Variants in RBM20 observed in about 807,000 individuals in gnomAD.
The protein encoded by RBM20 is RNA-binding protein 20.
Under a neutral mutation model 110.1 loss-of-function variants are expected in RBM20, and 51 were observed. The ratio of observed to expected loss-of-function variants is 0.46; its 90% CI spans 0.37 to 0.59. RBM20 has a LOEUF of 0.59. Ranked by LOEUF, RBM20 falls within the 20% of genes least tolerant of loss-of-function variation. The pLI, the probability that RBM20 is intolerant of heterozygous loss-of-function variation, is 0.00. For synonymous variants in RBM20, 589 were observed against 618.2 expected, an observed-to-expected ratio of 0.95 and a Z score of 0.70; for missense variants, 1,512 against 1,574.9, an observed-to-expected ratio of 0.96 and a Z score of 0.68.
At chr10:110,775,181 A>C (rs1844245135) in intron 1 of RBM20, among the ~76,000 whole-genome samples, 1 of 152,194 alleles carries the variant, frequency 6.6e-6, no homozygotes, top group African/African-American at 2.4e-5. Flanking sequence ...ACACCTTTAT[A>C]GTGTGGTCAT....
intron 1 of RBM20, among the ~76,000 whole-genome samples, chr10:110,736,728 TC>T (rs1353373582): frequency 6.6e-6 from 1 of 152,200 alleles, no homozygotes; most frequent in African/African-American, 2.4e-5. Context: ...TTCCTTTTTT[TC>T]AGTAAGCTCT....
intron 1 of RBM20, among the ~76,000 whole-genome samples, chr10:110,703,621 A>G (rs1038434688): frequency 6.6e-6 from 1 of 152,122 alleles, no homozygotes; most frequent in Non-Finnish European, 1.5e-5. Flanking sequence ...GTGTGTATAT[A>G]TTTAGCCCTA....
At chr10:110,803,013 G>A (rs565197001) in intron 7 of RBM20, among the ~76,000 whole-genome samples, 13 of 152,228 alleles carry the variant, frequency 8.5e-5, no homozygotes, top group East Asian at 1.9e-4. Context: ...TTTCAGTCTC[G>A]TAATCACTGT....
In RBM20 at chr10:110,722,137, C is replaced by T. The variant is rs1338966392; in HGVS notation, c.192-58664C>T. Among the ~76,000 whole-genome samples, 3 of 152,144 alleles carry T rather than the reference C, an allele frequency of 2.0e-5. No homozygotes were observed. In the East Asian group the frequency reaches 5.8e-4, roughly 29 times the overall value. ...GCACTGTTTCCTCTATGGAAACTTC[C>T]TGACTCTTGGTTGCTGTCAGTGTTT... On this transcript the variant is annotated intron_variant, in intron 1 of 13. Transcript: ENST00000369519.
chr10:110,712,633 A>C (rs1862951877), intron 1 of RBM20, among the ~76,000 whole-genome samples: 1 of 152,160 alleles, frequency 6.6e-6, no homozygotes, highest in Admixed American at 6.5e-5. Flanking sequence ...AGGGCGTGGC[A>C]GTGCCTGCCT....
At chr10:110,648,308 ATGT>A (rs1442316815) in intron 1 of RBM20, among the ~76,000 whole-genome samples, 4 of 152,156 alleles carry the variant, frequency 2.6e-5, no homozygotes, top group African/African-American at 4.8e-5. Flanking sequence ...GGAATAGAAA[ATGT>A]TGTAAGTAGC....
At chr10:110,756,085 C>G (rs142186800) in intron 1 of RBM20, among the ~76,000 whole-genome samples, 2 of 152,332 alleles carry the variant, frequency 1.3e-5, no homozygotes, top group African/African-American at 2.4e-5. Flanking sequence ...CAGGATACTT[C>G]AGTGGATAAA....
intron 1 of RBM20, among the ~76,000 whole-genome samples, chr10:110,763,751 C>CTTTTT (rs56845100): frequency 3.9e-4 from 25 of 64,386 alleles, no homozygotes; most frequent in South Asian, 1.5e-3. Context: ...GGCTTCTTGG[C>CTTTTT]TTTTTTTTTT....
intron 13 of RBM20, chr10:110,835,580 C>T (rs1260263163): frequency 5.1e-6 from 1 of 194,288 alleles, no homozygotes; most frequent in Non-Finnish European, 1.1e-5. Context: ...AGGTGATCCA[C>T]CCACCTCGGC....
intron 1 of RBM20, among the ~76,000 whole-genome samples, chr10:110,689,619 G>T (rs780272283): frequency 6.6e-6 from 1 of 151,126 alleles, no homozygotes; most frequent in Non-Finnish European, 1.5e-5. Context: ...TGTGCTGGTA[G>T]TGCGGGTCTT....
At chr10:110,673,857 A>G (rs1220224553) in intron 1 of RBM20, among the ~76,000 whole-genome samples, 1 of 152,190 alleles carries the variant, frequency 6.6e-6, no homozygotes, top group Non-Finnish European at 1.5e-5. Flanking sequence ...AGAAATTGTT[A>G]TGAGCTTGAG....
chr10:110,797,787 G>A (rs2135074356), intron 6 of RBM20, 139 bp downstream of exon 6: 2 of 881,622 alleles, frequency 2.3e-6, no homozygotes, highest in Non-Finnish European at 1.7e-6. Context: ...CATGGCGTAG[G>A]TGTTTTTGCT....
chr10:110,657,121 A>G (rs1862037272), intron 1 of RBM20, among the ~76,000 whole-genome samples: 1 of 151,414 alleles, frequency 6.6e-6, no homozygotes, highest in Admixed American at 6.6e-5. Flanking sequence ...GGTTCAAGCG[A>G]TTCTCCTGTC....
chr10:110,661,564 A>G lies in RBM20; in HGVS notation c.191+16919A>G, dbSNP rs1862102507. Among the ~76,000 whole-genome samples the G allele has an allele frequency of 2.6e-5, 4 of 152,234 alleles. No homozygotes were observed. The South Asian group carries it at 6.2e-4, about 24-fold the overall frequency. The stretch of plus-strand genomic sequence containing the variant: ...TCGGACCATCTCTGGGTACGGATAC[A>G]GAGAAGTCTCAAGAATATATTACTA... On this transcript the variant is annotated intron_variant, in intron 1 of 13. Transcript: ENST00000369519.
chr10:110,771,493 T>TG (rs1844188408), intron 1 of RBM20, among the ~76,000 whole-genome samples: 1 of 152,216 alleles, frequency 6.6e-6, no homozygotes, highest in African/African-American at 2.4e-5. Context: ...TGATGTGGTG[T>TG]GGGACACATA....
intron 1 of RBM20, among the ~76,000 whole-genome samples, chr10:110,707,575 A>T (rs1212276692): frequency 2.6e-5 from 4 of 152,116 alleles, no homozygotes; most frequent in African/African-American, 7.2e-5. Context: ...ACTCAGCTAT[A>T]AAAAGGAGTG....
At position 110,727,905 on chromosome 10, in the gene RBM20, G is replaced by C. The variant is rs142673498; in HGVS notation, c.192-52896G>C. 2.8e-3 allele frequency among the ~76,000 whole-genome samples: 431 copies of C among 152,174 alleles called. 2 individuals are homozygous for C. The highest frequency in any genetic ancestry group is 9.8e-3 in the African/African-American group (405 of 41,482). On this transcript the variant is annotated intron_variant, in intron 1 of 13. Coordinates refer to ENST00000369519, the MANE Select transcript of RBM20 (RefSeq NM_001134363.3). ...TTATGAGTGAGAACATGTGGTGTTT[G>C]GTTTTCTGTTCCTGTGTTAGTTTGC...
intron 1 of RBM20, among the ~76,000 whole-genome samples, chr10:110,734,836 C>A (rs79721744): frequency 6.6e-6 from 1 of 152,078 alleles, no homozygotes; most frequent in African/African-American, 2.4e-5. Context: ...ACAGTTTTAG[C>A]GACTTTTGGT....
At chr10:110,731,030 C>T (rs368290492) in intron 1 of RBM20, among the ~76,000 whole-genome samples, 1 of 152,186 alleles carries the variant, frequency 6.6e-6, no homozygotes, top group East Asian at 1.9e-4. Context: ...TTGTCTAGAA[C>T]TCCTTCTGAT....
Sources: gnomAD v4.1 joint callset for allele counts (sites outside exome capture counted in the v4.1 genomes callset) on GRCh38, gnomAD v4.1.1 for gene constraint, MANE v1.5 for transcripts, NCBI Gene and HGNC (gene_info 2026-07-23, HGNC 2026-07-21) for gene names.